Variants in SNX8 observed in about 807,000 individuals in gnomAD.
SNX8 encodes the protein sorting nexin 8.
Under a neutral mutation model 51.6 loss-of-function variants are expected in SNX8, and 25 were observed. The ratio of observed to expected loss-of-function variants is 0.48; its 90% confidence interval spans 0.35 to 0.68. The LOEUF (loss-of-function observed/expected upper bound fraction) is 0.68, where lower values mean the gene tolerates loss of function less well. SNX8 is among the 30% of genes least tolerant of loss of function. The pLI, the probability that SNX8 is intolerant of heterozygous loss-of-function variation, is 0.00. For synonymous variants in SNX8, 324 were observed against 277.0 expected, an observed-to-expected ratio of 1.17 and a Z score of -1.68; for missense variants, 695 against 624.0, an observed-to-expected ratio of 1.11 and a Z score of -1.21.
chr7:2,328,447 C>T lies in SNX8; in HGVS notation c.-66+25775G>A, dbSNP rs145155065. 9.2e-3 allele frequency among the ~76,000 whole-genome samples: 1,399 copies of T among 152,350 alleles called. 14 individuals carry two copies. The highest frequency in any genetic ancestry group is 0.014 in the Non-Finnish European group (925 of 68,034). ...GCTCAAATGATCCTCCTGCCTTGGC[C>T]TCCCAAAGTGTTGGGATCACAGGCA... On this transcript the variant is annotated intron_variant, in intron 1 of 5. Coordinates refer to the SNX8 transcript ENST00000435336.
chr7:2,271,815 C>G (rs779972748), intron 4 of SNX8, 35 bp downstream of exon 4: 3 of 1,570,968 alleles, frequency 1.9e-6, no homozygotes, highest in Non-Finnish European at 2.6e-6. Context: ...GGGGACTCCC[C>G]GGGGCCGGGA....
In SNX8 at chr7:2,302,244, A is replaced by T. The variant is rs1321088109; in HGVS notation, c.94+12084T>A. ...CAGCCTGCCGAGTGCCTGCGATTGC[A>T]GGCTCGCGCCGCCACGCCTGACTGG... is the stretch of plus-strand genomic sequence containing the variant. On this transcript the variant is annotated intron_variant, in intron 1 of 10. Transcript: ENST00000222990. 8.5e-5 allele frequency among the ~76,000 whole-genome samples: 13 copies of T among 152,320 alleles called. No homozygotes were observed. The East Asian group carries it at 2.5e-3, about 29-fold the overall frequency.
At chr7:2,290,757 C>T (rs879682421) in intron 1 of SNX8, among the ~76,000 whole-genome samples, 3 of 152,124 alleles carry the variant, frequency 2.0e-5, no homozygotes, top group East Asian at 1.9e-4. Flanking sequence ...ACAAAGAGAA[C>T]GTAGTCAACA....
chr7:2,334,433 C>A (rs1380484512), intron 1 of SNX8, among the ~76,000 whole-genome samples: 7 of 150,702 alleles, frequency 4.6e-5, no homozygotes, highest in Non-Finnish European at 7.4e-5. Flanking sequence ...CACAGTGGCT[C>A]GCGCCTGTAA....
intron 5 of SNX8, among the ~76,000 whole-genome samples, chr7:2,265,140 G>A (rs1795435295): frequency 1.3e-5 from 2 of 152,124 alleles, no homozygotes; most frequent in Admixed American, 6.6e-5. Flanking sequence ...GAATCACGAG[G>A]TAAGGAGATC....
intron 1 of SNX8, among the ~76,000 whole-genome samples, chr7:2,306,688 G>A (rs745635701): frequency 6.6e-6 from 1 of 152,148 alleles, no homozygotes; most frequent in Non-Finnish European, 1.5e-5. Context: ...AGGAAAAAAG[G>A]AAATATATTA....
At chr7:2,290,994 C>T (rs1240553806) in intron 1 of SNX8, among the ~76,000 whole-genome samples, 1 of 152,174 alleles carries the variant, frequency 6.6e-6, no homozygotes, top group African/African-American at 2.4e-5. Flanking sequence ...TACCTTGAAG[C>T]AAAGTATAAA....
At chr7:2,274,302 C>T (rs1403910360) in intron 3 of SNX8, among the ~76,000 whole-genome samples, 2 of 152,248 alleles carry the variant, frequency 1.3e-5, no homozygotes, top group African/African-American at 4.8e-5. Flanking sequence ...ATTTCAGATG[C>T]GGGGAACTGG....
Position 2,263,432 on chromosome 7 carries a change from T to TCC in SNX8, c.783-72_783-71dup. 2.1e-6 allele frequency: 3 copies of TCC among 1,461,178 alleles called. No individual in the cohort carries two copies. The South Asian group carries it at 3.9e-5, about 19-fold the overall frequency. The allele number at this position is 1,461,178 out of a possible 1,614,324, so 90.5% of individuals were successfully genotyped here. On this transcript the variant is annotated intron_variant, in intron 6 of 10. Transcript: ENST00000222990. ...GCTCACCTGGCAGTCGAGTCTGGCA[T>TCC]CCCCCCCGACAGATGTCCTCCACGG...
At position 2,263,643 on chromosome 7, in the gene SNX8, G is replaced by A. The variant is rs148288856; in HGVS notation, c.783-281C>T. Among the ~76,000 whole-genome samples the A allele has an allele frequency of 1.8e-3, 271 of 152,274 alleles. 5 individuals are homozygous for A. The highest frequency in any genetic ancestry group is 6.2e-3 in the African/African-American group (256 of 41,564). The stretch of plus-strand genomic sequence containing the variant: ...GCACTGCTGGGGCAAGCAGAGTCCC[G>A]GGTGGGGTCTCCCCTCCCCTCAGGC... On this transcript the variant is annotated intron_variant, in intron 6 of 10. Transcript: ENST00000222990.
chr7:2,286,011 T>C (rs1198597574), intron 1 of SNX8, among the ~76,000 whole-genome samples: 3 of 151,662 alleles, frequency 2.0e-5, no homozygotes, highest in Non-Finnish European at 4.4e-5. Context: ...CAGTAACTTT[T>C]TTTTTTTTTT....
chr7:2,292,662 C>T (rs1796179762), intron 1 of SNX8, among the ~76,000 whole-genome samples: 2 of 152,224 alleles, frequency 1.3e-5, no homozygotes, highest in Middle Eastern at 3.4e-3. Flanking sequence ...CCACCCGCCT[C>T]GGCCTCCCGA....
In SNX8 at chr7:2,269,616, C is replaced by G; in HGVS notation, c.564G>C (p.Glu188Asp). 1 of 1,600,522 alleles carries G rather than the reference C, an allele frequency of 6.2e-7. No individual in the cohort carries two copies. Among genetic ancestry groups the G allele is most frequent in the Non-Finnish European group, 8.5e-7 (1 of 1,173,410 alleles). Reference protein sequence around the residue: ...SGSDVQNKLKESAQCVGDEFL... With the variant: ...SGSDVQNKLKDSAQCVGDEFL... ...ATTCGTCCCCGACGCACTGTGCTGA[C>G]TCCTTTAACTTGTTCTGCACATCCT... Residue 188 changes from glutamate (E) to aspartate (D), a missense_variant, in exon 5 of 11, where the codon GAG becomes GAC. Transcript: ENST00000222990.
At chr7:2,305,269 G>A (rs866118031) in intron 1 of SNX8, among the ~76,000 whole-genome samples, 2 of 152,164 alleles carry the variant, frequency 1.3e-5, no homozygotes, top group South Asian at 2.1e-4. Context: ...TAAATCCAAC[G>A]GGACTTGGGG....
intron 1 of SNX8, among the ~76,000 whole-genome samples, chr7:2,311,425 G>A (rs916556183): frequency 4.6e-5 from 7 of 152,022 alleles, no homozygotes; most frequent in South Asian, 2.1e-4. Context: ...ATTTCGCTAC[G>A]TTGTCCAGGC....
At chr7:2,262,439 T>G (rs763255373) in intron 7 of SNX8, among the ~76,000 whole-genome samples, 2 of 152,212 alleles carry the variant, frequency 1.3e-5, no homozygotes, top group Admixed American at 6.5e-5. Flanking sequence ...TCCAAGATCT[T>G]GGCGAATTTC....
chr7:2,260,024 AAG>A (rs528342764), intron 7 of SNX8, among the ~76,000 whole-genome samples: 183 of 152,074 alleles, frequency 1.2e-3, no homozygotes, highest in African/African-American at 3.9e-3. Context: ...GAGAGAAAGA[AAG>A]AGAGAGAGAG....
chr7:2,332,043 A>C (rs907270869), intron 1 of SNX8, among the ~76,000 whole-genome samples: 5 of 151,920 alleles, frequency 3.3e-5, no homozygotes, highest in Admixed American at 6.6e-5. Context: ...TGTCTCTACA[A>C]AAAATAAACA....
chr7:2,255,702 A>G (rs1795160542), intron 10 of SNX8, among the ~76,000 whole-genome samples: 1 of 152,226 alleles, frequency 6.6e-6, no homozygotes, highest in Admixed American at 6.5e-5. Flanking sequence ...GCAAGACTCC[A>G]CCTCAAAACC....
Sources: allele counts gnomAD v4.1 joint callset (sites outside exome capture counted in the v4.1 genomes callset), GRCh38; gene constraint gnomAD v4.1.1; transcripts MANE v1.5; gene names NCBI Gene and HGNC (gene_info 2026-07-23, HGNC 2026-07-21).